Variants in ARSJ observed in about 807,000 individuals in gnomAD.
The protein encoded by ARSJ is arylsulfatase family member J.
ARSJ carries 26 observed loss-of-function variants against 35.9 expected under a neutral mutation model. That is an observed-to-expected ratio of 0.72 (90% confidence interval 0.53 to 1.00). The LOEUF (loss-of-function observed/expected upper bound fraction) is 1.00, where lower values mean the gene tolerates loss of function less well. ARSJ is among the 50% of genes least tolerant of loss of function. The pLI is 0.00. For synonymous variants in ARSJ, 294 were observed against 267.6 expected, an observed-to-expected ratio of 1.10 and a Z score of -0.96; for missense variants, 667 against 723.6, an observed-to-expected ratio of 0.92 and a Z score of 0.90.
In ARSJ at chr4:113,903,132, A is replaced by C. The variant is rs1463223989; in HGVS notation, c.942T>G (p.Tyr314Ter). The change falls in exon 2 of 2, where the codon TAT (tyrosine) becomes TAG (stop). Residue 314 changes from tyrosine to a stop codon, truncating the protein, a stop_gained. Coordinates refer to ENST00000315366, the MANE Select transcript of ARSJ (RefSeq NM_024590.4). LOFTEE classifies it high-confidence loss of function. ...INNVTLALKTYGFYNNSIIIY... is the reference protein window; with the variant it reads ...INNVTLALKT ...TGATAATGCTGTTGTTATAGAAACCATAAGTCTTTAGAGCCAATGTCACGT... is the reference window on the plus strand; with the variant it reads ...TGATAATGCTGTTGTTATAGAAACCCTAAGTCTTTAGAGCCAATGTCACGT... The C allele has an allele frequency of 6.2e-7, 1 of 1,614,222 alleles. No homozygotes were observed. The highest frequency in any genetic ancestry group is 1.1e-5 in the South Asian group (1 of 91,082).
chr4:113,956,441 T>G (rs1042868530), intron 1 of ARSJ, among the ~76,000 whole-genome samples: 6 of 152,042 alleles, frequency 3.9e-5, no homozygotes, highest in African/African-American at 1.2e-4. Flanking sequence ...ACACATTCAC[T>G]TAATAAATCT....
intron 1 of ARSJ, among the ~76,000 whole-genome samples, chr4:113,939,473 G>A (rs1397888197): frequency 1.3e-5 from 2 of 152,034 alleles, no homozygotes; most frequent in Non-Finnish European, 2.9e-5. Flanking sequence ...CTAGAGCCCC[G>A]AGGAATTGCC....
chr4:113,906,647 T>G (rs2149248943), intron 1 of ARSJ: 1 of 442,636 alleles, frequency 2.3e-6, no homozygotes, highest in East Asian at 7.2e-5. Context: ...AGGGTGTAGG[T>G]TTTGGAATCA....
At chr4:113,939,143 T>C (rs1724963689) in intron 1 of ARSJ, among the ~76,000 whole-genome samples, 1 of 146,954 alleles carries the variant, frequency 6.8e-6, no homozygotes. Context: ...TTCCCATCTA[T>C]GAGTGAGAAT....
intron 1 of ARSJ, among the ~76,000 whole-genome samples, chr4:113,948,991 A>G (rs986771741): frequency 5.3e-5 from 8 of 152,152 alleles, no homozygotes; most frequent in African/African-American, 1.9e-4. Flanking sequence ...CATACGCACC[A>G]TGGAATACTA....
At chr4:113,943,609 C>G (rs1350814387) in intron 1 of ARSJ, 1 of 151,978 alleles carries the variant, frequency 6.6e-6, no homozygotes, top group African/African-American at 2.4e-5. Context: ...GTGATAACTG[C>G]TATGGGAAAA....
intron 1 of ARSJ, among the ~76,000 whole-genome samples, chr4:113,922,595 A>C (rs370541832): frequency 2.1e-4 from 32 of 152,278 alleles, no homozygotes; most frequent in African/African-American, 7.5e-4. Flanking sequence ...AGCTGTCTTC[A>C]TGCTTTTACT....
At chr4:113,912,735 A>ATGTGTG (rs34936997) in intron 1 of ARSJ, among the ~76,000 whole-genome samples, 1 of 147,488 alleles carries the variant, frequency 6.8e-6, no homozygotes, top group Non-Finnish European at 1.5e-5. Context: ...ATAAATGAGA[A>ATGTGTG]TGTGTGTGTG....
At chr4:113,966,611 TGAG>T (rs1726908935) in intron 1 of ARSJ, among the ~76,000 whole-genome samples, 1 of 152,172 alleles carries the variant, frequency 6.6e-6, no homozygotes, top group Non-Finnish European at 1.5e-5. Context: ...ATTAGCAGTT[TGAG>T]GAGATGAGAA....
rs536764255 is a variant in ARSJ at position 113,900,981 on chromosome 4, T to C, written c.*1293A>G. The C allele has an allele frequency of 6.6e-6, 1 of 152,176 alleles. No individual in the cohort carries two copies. The highest frequency in any genetic ancestry group is 1.9e-4 in the East Asian group (1 of 5,202). The allele number at this position is 152,176 out of a possible 1,614,324, so 9.4% of individuals were successfully genotyped here. A position where few individuals can be genotyped will look rare whatever the true frequency, so the allele number is the denominator to read the frequency against. ...CGCAACTAGTTTTGCACCAACCTAA[T>C]ATAAATGTTAGTTATTATTATGGGA... On this transcript the variant is annotated 3_prime_UTR_variant, in exon 2 of 2. Transcript: ENST00000315366.
At chr4:113,945,579 A>G (rs554046593) in intron 1 of ARSJ, among the ~76,000 whole-genome samples, 1 of 152,246 alleles carries the variant, frequency 6.6e-6, no homozygotes, top group South Asian at 2.1e-4. Context: ...TGATCCTAAG[A>G]CATTCATCCT....
intron 1 of ARSJ, among the ~76,000 whole-genome samples, chr4:113,943,973 T>G (rs974115238): frequency 6.6e-6 from 1 of 151,992 alleles, no homozygotes; most frequent in East Asian, 1.9e-4. Context: ...GCAAAGACAT[T>G]GAAAAATTTG....
chr4:113,978,677 T>G lies in ARSJ; in HGVS notation c.158A>C (p.Glu53Ala), dbSNP rs1727744247. Residue 53 changes from glutamate (E) to alanine (A), a missense_variant, in exon 1 of 2, where the codon GAG becomes GCG. Coordinates refer to ENST00000315366, the MANE Select transcript of ARSJ (RefSeq NM_024590.4). ...TTGAGCTAGTAAGGCCCCTTCTTCC[T>G]CCTCTTCTAAGGCCTGGCCCCAGGA... ...YLSWGQALEE[E>A]EEGALLAQAG... is the part of the protein sequence containing the mutation. 1.2e-6 allele frequency: 2 copies of G among 1,614,218 alleles called. No individual in the cohort carries two copies. Among genetic ancestry groups the G allele is most frequent in the Admixed American group, 3.3e-5 (2 of 60,028 alleles).
chr4:113,920,483 C>T (rs1562342776), intron 1 of ARSJ, among the ~76,000 whole-genome samples: 1 of 152,092 alleles, frequency 6.6e-6, no homozygotes, highest in Non-Finnish European at 1.5e-5. Flanking sequence ...AAAACACTAA[C>T]AAAATTTCTT....
intron 1 of ARSJ, among the ~76,000 whole-genome samples, chr4:113,938,142 A>G (rs1477035281): frequency 6.6e-6 from 1 of 152,126 alleles, no homozygotes; most frequent in Non-Finnish European, 1.5e-5. Flanking sequence ...AAACTATACT[A>G]TGAGGATACA....
At chr4:113,921,648 G>C (rs769890979) in intron 1 of ARSJ, among the ~76,000 whole-genome samples, 1 of 152,076 alleles carries the variant, frequency 6.6e-6, no homozygotes, top group Non-Finnish European at 1.5e-5. Context: ...TTAACTTTAG[G>C]AATAATCTCA....
chr4:113,975,173 G>C (rs1476027269), intron 1 of ARSJ, among the ~76,000 whole-genome samples: 2 of 152,048 alleles, frequency 1.3e-5, no homozygotes, highest in Admixed American at 6.6e-5. Flanking sequence ...GTTGGGTAGG[G>C]GGTTGTTTTA....
chr4:113,902,768 C>T lies in ARSJ; in HGVS notation c.1306G>A (p.Ala436Thr). The change falls in exon 2 of 2, where the codon GCA becomes ACA. Residue 436 changes from alanine to threonine, a missense_variant. Transcript: ENST00000315366. ...YTKAKNGSWA[A>T]GYGIWNTAIQ... is the part of the protein sequence containing the mutation. Reference sequence around the variant, plus strand: ...GCAGTGTTCCAGATCCCATAGCCTGCTGCCCAGGAGCCATTTTTTGCCTTG... The same window carrying T: ...GCAGTGTTCCAGATCCCATAGCCTGTTGCCCAGGAGCCATTTTTTGCCTTG... 1 of 1,614,210 alleles carries T rather than the reference C, an allele frequency of 6.2e-7. No individual in the cohort carries two copies. Among genetic ancestry groups the T allele is most frequent in the Non-Finnish European group, 8.5e-7 (1 of 1,180,040 alleles).
At chr4:113,922,911 T>C (rs1723774043) in intron 1 of ARSJ, among the ~76,000 whole-genome samples, 2 of 152,196 alleles carry the variant, frequency 1.3e-5, no homozygotes, top group African/African-American at 2.4e-5. Flanking sequence ...TAGATGTTTC[T>C]GTGGAAGTAT....
Sources: allele counts gnomAD v4.1 joint callset (sites outside exome capture counted in the v4.1 genomes callset), GRCh38; gene constraint gnomAD v4.1.1; transcripts MANE v1.5; gene names NCBI Gene and HGNC (gene_info 2026-07-23, HGNC 2026-07-21).